GRIP2: variants seen among roughly 807,000 people sequenced by gnomAD.
The protein encoded by GRIP2 is glutamate receptor-interacting protein 2.
GRIP2 carries 58 observed loss-of-function variants against 108.3 expected under a neutral mutation model. That is an observed-to-expected ratio of 0.54 (90% confidence interval 0.43 to 0.67). GRIP2 has a LOEUF of 0.67. GRIP2 is among the 30% of genes least tolerant of loss of function. GRIP2 has a pLI of 0.00. For synonymous variants in GRIP2, 586 were observed against 598.2 expected, an observed-to-expected ratio of 0.98 and a Z score of 0.30; for missense variants, 1,278 against 1,430.6, an observed-to-expected ratio of 0.89 and a Z score of 1.72.
the GRIP2 span, chr3:14,573,658 G>A: frequency 2.0e-6 from 3 of 1,498,748 alleles, no homozygotes; most frequent in South Asian, 1.1e-5. Context: ...ATGTGGGGAA[G>A]GTTGGTGTGG....
At position 14,505,348 on chromosome 3, in the gene GRIP2, CAGG is replaced by C. The variant is rs1559333746; in HGVS notation, c.2573+264_2573+266del. On this transcript the variant is annotated intron_variant, in intron 20 of 23. Transcript: ENST00000621039. The surrounding 1 kb of genome is among the most constrained non-coding windows in gnomAD (Gnocchi z 4.2). ...TCTGAGTCTGCTGCTCTTCTGAGAA[CAGG>C]AGATGACCAAAGTTGGGAAGGGCAA... Among the ~76,000 whole-genome samples the C allele has an allele frequency of 6.6e-6, 1 of 152,142 alleles. No individual in the cohort carries two copies. Among genetic ancestry groups the C allele is most frequent in the East Asian group, 1.9e-4 (1 of 5,172 alleles).
At chr3:14,587,631 GC>G in the GRIP2 span, among the ~76,000 whole-genome samples, 1 of 128,256 alleles carries the variant, frequency 7.8e-6, no homozygotes, top group African/African-American at 3.1e-5. Flanking sequence ...AGAGTGAGAT[GC>G]CATCTCCAAA....
In GRIP2 at chr3:14,552,618, TTCTC is replaced by T. The variant is rs1251371341; in HGVS notation, c.55+3278_55+3281del. ...CCACAGCCAGAGCTTATTCTTTTCT[TTCTC>T]TCTCTCTCTCTCTTTTTTTTTTTTT... On this transcript the variant is annotated intron_variant, in intron 1 of 23. Coordinates refer to the GRIP2 transcript ENST00000637182. 5.9e-4 allele frequency among the ~76,000 whole-genome samples: 82 copies of T among 139,212 alleles called. 1 individual carries two copies. The highest frequency in any genetic ancestry group is 3.0e-3 in the Admixed American group (41 of 13,782). 91.3% of individuals were successfully genotyped at this position (139,212 alleles called of 152,430 possible).
At chr3:14,567,371 C>T in the GRIP2 span, among the ~76,000 whole-genome samples, 2 of 152,190 alleles carry the variant, frequency 1.3e-5, no homozygotes, top group Non-Finnish European at 2.9e-5. Context: ...TGAGGCCAAC[C>T]ATCCCTCATG....
the GRIP2 span, among the ~76,000 whole-genome samples, chr3:14,575,188 T>C: frequency 1.3e-5 from 2 of 152,218 alleles, no homozygotes; most frequent in African/African-American, 2.4e-5. Context: ...GGCACCTCTA[T>C]GTTAAACTCA....
chr3:14,549,431 G>A (rs574834447), intron 1 of GRIP2, among the ~76,000 whole-genome samples: 10 of 152,214 alleles, frequency 6.6e-5, no homozygotes, highest in Non-Finnish European at 1.5e-4. Context: ...TGGCAGGAGA[G>A]GCCACAGCTC....
upstream of GRIP2, among the ~76,000 whole-genome samples, chr3:14,545,443 C>G (rs1040342270): frequency 1.3e-4 from 20 of 152,242 alleles, no homozygotes; most frequent in African/African-American, 4.8e-4. Flanking sequence ...GCCAACGCAG[C>G]CAGCCAGCGA....
chr3:14,540,145 C>T lies in GRIP2; in HGVS notation c.40+124G>A, dbSNP rs1694930780. 7.8e-7 allele frequency: 1 copy of T among 1,274,258 alleles called. No individual in the cohort carries two copies. Among genetic ancestry groups the T allele is most frequent in the Non-Finnish European group, 1.1e-6 (1 of 922,584 alleles). The allele number at this position is 1,274,258 out of a possible 1,614,324, so 78.9% of individuals were successfully genotyped here. On this transcript the variant is annotated intron_variant, in intron 1 of 23. Coordinates refer to ENST00000621039, the MANE Select transcript of GRIP2 (RefSeq NM_001080423.4). The surrounding 1 kb of genome is among the most constrained non-coding windows in gnomAD (Gnocchi z 4.1). ...TGTCCTGCCCCACCCTCCCCAAGCC[C>T]TGGGTCTCCAGGGAGTGGCAGTCCC... is the stretch of plus-strand genomic sequence containing the variant.
At chr3:14,502,398 G>A (rs1693790410) in intron 21 of GRIP2, among the ~76,000 whole-genome samples, 2 of 151,938 alleles carry the variant, frequency 1.3e-5, no homozygotes, top group Non-Finnish European at 2.9e-5. Context: ...GGAGGCTGAG[G>A]CATGAGAATC....
At position 14,493,078 on chromosome 3, in the gene GRIP2, G is replaced by C. The variant is rs1032653659; in HGVS notation, c.*587C>G. ...CCTATTCTGGAGAAGCGAAGGAGCT[G>C]GGCTCCCATCCGAAGCAGCATCCTT... On this transcript the variant is annotated 3_prime_UTR_variant, in exon 24 of 24. Coordinates refer to ENST00000621039, the MANE Select transcript of GRIP2 (RefSeq NM_001080423.4). 1.3e-5 allele frequency: 2 copies of C among 152,424 alleles called. No homozygotes were observed. Among genetic ancestry groups the C allele is most frequent in the African/African-American group, 2.4e-5 (1 of 41,598 alleles). The allele number at this position is 152,424 out of a possible 1,614,324, so 9.4% of individuals were successfully genotyped here.
intron 10 of GRIP2, 111 bp downstream of exon 10, chr3:14,517,661 C>T: frequency 1.4e-6 from 2 of 1,395,448 alleles, no homozygotes; most frequent in Non-Finnish European, 9.8e-7. Flanking sequence ...ACCACCACAC[C>T]CAGCTCACTA....
the GRIP2 span, among the ~76,000 whole-genome samples, chr3:14,563,319 G>A: frequency 6.6e-6 from 1 of 152,040 alleles, no homozygotes; most frequent in African/African-American, 2.4e-5. Context: ...TGCCTCAAGG[G>A]TATTTCTGTG....
At chr3:14,516,397 C>G (rs1021693228) in intron 11 of GRIP2, among the ~76,000 whole-genome samples, 11 of 152,258 alleles carry the variant, frequency 7.2e-5, no homozygotes, top group South Asian at 4.1e-4. Context: ...GGCTGAGAAC[C>G]CTTTCTGCAT....
chr3:14,600,311 G>C, the GRIP2 span, among the ~76,000 whole-genome samples: 1 of 152,178 alleles, frequency 6.6e-6, no homozygotes, highest in Admixed American at 6.5e-5. Context: ...ATTACGTGCT[G>C]GTTCCTGTGC....
chr3:14,540,253 A>AC lies in GRIP2; in HGVS notation c.40+15dup, dbSNP rs755451963. ...TTCAGCCCCATCACTCTGCCCACAGACCCCCCATTACGTACCCGCCTCTCC... is the reference window on the plus strand; with the variant it reads ...TTCAGCCCCATCACTCTGCCCACAGACCCCCCCATTACGTACCCGCCTCTCC... On this transcript the variant is annotated intron_variant, in intron 1 of 23. Coordinates refer to ENST00000621039, the MANE Select transcript of GRIP2 (RefSeq NM_001080423.4). This position sits in a 1 kb window ranked among gnomAD's most constrained non-coding sequence, Gnocchi z 4.1. 92 of 1,568,748 alleles carry AC rather than the reference A, an allele frequency of 5.9e-5. No homozygotes were observed. The highest frequency in any genetic ancestry group is 4.6e-4 in the East Asian group (20 of 43,454).
At chr3:14,593,758 C>A in the GRIP2 span, among the ~76,000 whole-genome samples, 1 of 152,176 alleles carries the variant, frequency 6.6e-6, no homozygotes. Context: ...GCAGGACTGT[C>A]CTGGATATGC....
Position 14,521,402 on chromosome 3 carries a change from C to T in GRIP2, c.712+240G>A. On this transcript the variant is annotated intron_variant, in intron 7 of 23. Transcript: ENST00000621039. The surrounding 1 kb of genome is among the most constrained non-coding windows in gnomAD (Gnocchi z 5.1). ...TCTTATCTATTCTGGATACTGTCCT[C>T]TCTCCACCAGAATGCCAGCTCCATG... 2.0e-6 allele frequency: 1 copy of T among 507,282 alleles called. No homozygotes were observed. Among genetic ancestry groups the T allele is most frequent in the Non-Finnish European group, 3.5e-6 (1 of 289,212 alleles). The allele number at this position is 507,282 out of a possible 1,614,324, so 31.4% of individuals were successfully genotyped here. A position where few individuals can be genotyped will look rare whatever the true frequency, so the allele number is the denominator to read the frequency against.
intron 1 of GRIP2, among the ~76,000 whole-genome samples, chr3:14,539,667 G>A (rs1694913825): frequency 6.6e-6 from 1 of 152,194 alleles, no homozygotes; most frequent in Non-Finnish European, 1.5e-5. Flanking sequence ...TGGAGAGACA[G>A]ATGGAACAAT....
Position 14,512,238 on chromosome 3 carries a change from G to A in GRIP2, c.1720+539C>T, listed in dbSNP as rs545894370. 1.1e-4 allele frequency among the ~76,000 whole-genome samples: 17 copies of A among 152,280 alleles called. No individual in the cohort carries two copies. The highest frequency in any genetic ancestry group is 1.5e-4 in the Non-Finnish European group (10 of 68,022). On this transcript the variant is annotated intron_variant, in intron 14 of 23. Transcript: ENST00000621039. The surrounding 1 kb of genome is among the most constrained non-coding windows in gnomAD (Gnocchi z 5.1). Reference sequence around the variant, plus strand: ...TGGGGAGAGTCGGGAGATGAGGTCAGAGGTCATGGGGTCCAGAGCACAGAG... The same window carrying A: ...TGGGGAGAGTCGGGAGATGAGGTCAAAGGTCATGGGGTCCAGAGCACAGAG...
Sources: gnomAD v4.1 joint callset for allele counts (sites outside exome capture counted in the v4.1 genomes callset) on GRCh38, gnomAD v4.1.1 for gene constraint, Gnocchi (gnomAD v3.1) non-coding constraint, MANE v1.5 for transcripts, NCBI Gene and HGNC (gene_info 2026-07-23, HGNC 2026-07-21) for gene names.